The following SOS2 variants were observed in gnomAD, a reference collection of about 807,000 sequenced individuals.
SOS2 encodes SOS Ras/Rho guanine nucleotide exchange factor 2.
A neutral mutation model predicts 148.2 loss-of-function variants in SOS2; 65 were observed. The observed-to-expected ratio is 0.44, with a 90% confidence interval of 0.36 to 0.54. The LOEUF is 0.54. Among genes scored for constraint, SOS2 ranks in the 20% least tolerant of loss-of-function variants. The pLI, the probability that SOS2 is intolerant of heterozygous loss-of-function variation, is 0.00. For missense variants in SOS2, 1,341 were observed against 1,590.2 expected (o/e 0.84, Z 2.67); for synonymous variants, 539 against 537.1 (o/e 1.00, Z -0.05).
intron 8 of SOS2, among the ~76,000 whole-genome samples, chr14:50,163,285 A>G (rs1295316632): frequency 3.3e-5 from 5 of 151,976 alleles, no homozygotes; most frequent in Non-Finnish European, 7.4e-5. Flanking sequence ...GTGATCTTTA[A>G]CTTATTAGAG....
At position 50,161,357 on chromosome 14, in the gene SOS2, A is replaced by G. The variant is rs537559582; in HGVS notation, c.1196+125T>C. ...GTAAAAGACCAACATAAAAGTATAT[A>G]AAAGTATGACAAGCACAACTTTCAA... is the stretch of plus-strand genomic sequence containing the variant. On this transcript the variant is annotated intron_variant, in intron 9 of 22. Coordinates refer to ENST00000216373, the MANE Select transcript of SOS2 (RefSeq NM_006939.4). The G allele has an allele frequency of 3.0e-5, 23 of 773,506 alleles. 1 individual carries two copies. The South Asian group carries it at 3.0e-4, about 10-fold the overall frequency. The allele number at this position is 773,506 out of a possible 1,614,324, so 47.9% of individuals were successfully genotyped here. A position where few individuals can be genotyped will look rare whatever the true frequency, so the allele number is the denominator to read the frequency against.
chr14:50,150,335 A>C lies in SOS2; in HGVS notation c.2162-105T>G, dbSNP rs1884620767. On this transcript the variant is annotated intron_variant, in intron 13 of 22. Transcript: ENST00000216373. ...ACCCAGCCTCAACAGTTACCAACTCATGGCCAATTTTTATTTTCTCTAACC... is the reference window on the plus strand; with the variant it reads ...ACCCAGCCTCAACAGTTACCAACTCCTGGCCAATTTTTATTTTCTCTAACC... 7 of 762,944 alleles carry C rather than the reference A, an allele frequency of 9.2e-6. No individual in the cohort carries two copies. In the East Asian group the frequency reaches 1.7e-4, roughly 19 times the overall value. The allele number at this position is 762,944 out of a possible 1,614,324, so 47.3% of individuals were successfully genotyped here. A position where few individuals can be genotyped will look rare whatever the true frequency, so the allele number is the denominator to read the frequency against.
intron 5 of SOS2, among the ~76,000 whole-genome samples, chr14:50,183,431 T>C (rs182796444): frequency 1.0e-3 from 155 of 151,870 alleles, no homozygotes; most frequent in Middle Eastern, 3.5e-3. Flanking sequence ...TATATCTTCA[T>C]TGAATCTCAA....
intron 1 of SOS2, among the ~76,000 whole-genome samples, chr14:50,217,833 G>A (rs1887079007): frequency 6.6e-6 from 1 of 152,104 alleles, no homozygotes; most frequent in South Asian, 2.1e-4. Flanking sequence ...GCGGGCGCCT[G>A]TAGTCCCAGC....
At chr14:50,197,054 T>A (rs969103654) in intron 4 of SOS2, among the ~76,000 whole-genome samples, 7 of 152,072 alleles carry the variant, frequency 4.6e-5, no homozygotes, top group Non-Finnish European at 1.0e-4. Context: ...TGTAGAGACA[T>A]GTTGCCCAGG....
chr14:50,145,596 C>T lies in SOS2; in HGVS notation c.2385G>A (p.Arg795=). ...QLTLLESDLY[R]KVQPSELVGS... ...CTACAAGTTCAGACGGTTGAACTTT[C>T]CTATGGAATTGAAAATCAGTGCAAC... is the stretch of plus-strand genomic sequence containing the variant. The change falls in exon 15 of 23, where the codon AGG becomes AGA. Residue 795 remains arginine (R), a splice_region_variant and synonymous_variant. Transcript: ENST00000216373. The T allele has an allele frequency of 1.3e-6, 2 of 1,577,508 alleles. No homozygotes were observed. The highest frequency in any genetic ancestry group is 1.7e-6 in the Non-Finnish European group (2 of 1,163,962).
At position 50,161,256 on chromosome 14, in the gene SOS2, C is replaced by T. The variant is rs191371776; in HGVS notation, c.1196+226G>A. 1.6e-3 allele frequency among the ~76,000 whole-genome samples: 232 copies of T among 148,308 alleles called. 2 individuals are homozygous for T. Among genetic ancestry groups the T allele is most frequent in the Middle Eastern group, 0.014 (4 of 290 alleles). Reference sequence around the variant, plus strand: ...TGCAGGTTGCAGTGAGCTGAGATTACACCACTGCACTCCAGCCTGGGCAAG... The same window carrying T: ...TGCAGGTTGCAGTGAGCTGAGATTATACCACTGCACTCCAGCCTGGGCAAG... On this transcript the variant is annotated intron_variant, in intron 9 of 22. Coordinates refer to ENST00000216373, the MANE Select transcript of SOS2 (RefSeq NM_006939.4).
In SOS2 at chr14:50,157,087, C is replaced by A; in HGVS notation, c.1969G>T (p.Asp657Tyr). 6.2e-7 allele frequency: 1 copy of A among 1,612,454 alleles called. No individual in the cohort carries two copies. Among genetic ancestry groups the A allele is most frequent in the Non-Finnish European group, 8.5e-7 (1 of 1,179,006 alleles). Residue 657 changes from aspartate (D) to tyrosine (Y), a missense_variant, in exon 12 of 23, where the codon GAC (aspartate) becomes TAC (tyrosine). Asp to Tyr is a radical substitution (Grantham distance 160). Coordinates refer to ENST00000216373, the MANE Select transcript of SOS2 (RefSeq NM_006939.4). Reference sequence around the variant, plus strand: ...TCGCCTTTCTCTATTGCCAATTTGTCTGCGTCAGTAGGTTCTGGCTCTGGA... The same window carrying A: ...TCGCCTTTCTCTATTGCCAATTTGTATGCGTCAGTAGGTTCTGGCTCTGGA... ...EIPEPEPTDA[D>Y]KLAIEKGEQP...
intron 7 of SOS2, among the ~76,000 whole-genome samples, 173 bp from the exon 8 acceptor site, chr14:50,174,725 T>C (rs1039522336): frequency 6.6e-5 from 10 of 152,246 alleles, no homozygotes; most frequent in Non-Finnish European, 1.3e-4. Context: ...TTTTCTCCCT[T>C]TCCTCCTTTA....
intron 14 of SOS2, among the ~76,000 whole-genome samples, chr14:50,146,329 T>TTTG (rs1884470649): frequency 6.6e-6 from 1 of 151,814 alleles, no homozygotes; most frequent in Non-Finnish European, 1.5e-5. Flanking sequence ...AGTATGCATA[T>TTTG]ACCCTAGATA....
chr14:50,193,651 G>T (rs573406984), intron 4 of SOS2, among the ~76,000 whole-genome samples: 2 of 152,080 alleles, frequency 1.3e-5, no homozygotes, highest in East Asian at 3.9e-4. Context: ...TCTTGAACTA[G>T]TGATCTCTAG....
Position 50,199,898 on chromosome 14 carries a change from T to C in SOS2, c.346-43A>G, listed in dbSNP as rs746071784. On this transcript the variant is annotated intron_variant, in intron 3 of 22. Transcript: ENST00000216373. ...AATTTAATTGCAAAATGTAGCACTG[T>C]CAAGTATTACACACTTAAAAAATTC... 38 of 1,272,074 alleles carry C rather than the reference T, an allele frequency of 3.0e-5. No homozygotes were observed. The Admixed American group carries it at 8.2e-4, about 27-fold the overall frequency. 78.8% of individuals were successfully genotyped at this position (1,272,074 alleles called of 1,614,324 possible).
intron 13 of SOS2, among the ~76,000 whole-genome samples, 178 bp downstream of exon 13, chr14:50,152,892 G>C (rs1221933228): frequency 1.3e-5 from 2 of 152,108 alleles, no homozygotes; most frequent in African/African-American, 4.8e-5. Context: ...TTGAACCTGG[G>C]AGGCGGAGGT....
At chr14:50,228,462 T>C (rs1314245676) in intron 1 of SOS2, among the ~76,000 whole-genome samples, 1 of 152,228 alleles carries the variant, frequency 6.6e-6, no homozygotes, top group Non-Finnish European at 1.5e-5. Context: ...CCTTATTAAA[T>C]TGCCTATAAA....
chr14:50,160,777 A>G (rs996301909), intron 9 of SOS2, among the ~76,000 whole-genome samples: 1 of 152,152 alleles, frequency 6.6e-6, no homozygotes, highest in African/African-American at 2.4e-5. Flanking sequence ...AAGCAGGCAG[A>G]TCACCTGAGC....
At chr14:50,197,847 C>T (rs1481184512) in intron 4 of SOS2, among the ~76,000 whole-genome samples, 6 of 151,946 alleles carry the variant, frequency 3.9e-5, no homozygotes, top group Non-Finnish European at 1.5e-5. Context: ...TGCCACCATG[C>T]CCAGCTACTT....
intron 14 of SOS2, among the ~76,000 whole-genome samples, chr14:50,149,465 T>C (rs1884594711): frequency 6.6e-6 from 1 of 151,404 alleles, no homozygotes; most frequent in South Asian, 2.1e-4. Context: ...CTCATGGAAG[T>C]AGAGAGTAGA....
In SOS2 at chr14:50,177,453, G is replaced by A. The variant is rs146567482; in HGVS notation, c.970-2901C>T. Among the ~76,000 whole-genome samples, 24 of 151,684 alleles carry A rather than the reference G, an allele frequency of 1.6e-4. No homozygotes were observed. The East Asian group carries it at 3.3e-3, about 21-fold the overall frequency. ...AAGTTAAAACAATTGAGTTTGGCCC[G>A]AAAAAGGATTTCATCTAACTCTTCC... On this transcript the variant is annotated intron_variant, in intron 7 of 22. Coordinates refer to ENST00000216373, the MANE Select transcript of SOS2 (RefSeq NM_006939.4).
rs1442220946 is a variant in SOS2, at chr14:50,222,184, A to C, written c.87+9013T>G. ...TGCAACTGTTTTACCTTAAAACATCAGTATTTATAACACATATGAAATTAC... is the reference window on the plus strand; with the variant it reads ...TGCAACTGTTTTACCTTAAAACATCCGTATTTATAACACATATGAAATTAC... On this transcript the variant is annotated intron_variant, in intron 1 of 22. Coordinates refer to ENST00000216373, the MANE Select transcript of SOS2 (RefSeq NM_006939.4). 2.0e-5 allele frequency among the ~76,000 whole-genome samples: 3 copies of C among 152,236 alleles called. No individual in the cohort carries two copies. In the East Asian group the frequency reaches 5.8e-4, roughly 29 times the overall value.
Sources: allele counts gnomAD v4.1 joint callset (sites outside exome capture counted in the v4.1 genomes callset), GRCh38; gene constraint gnomAD v4.1.1; transcripts MANE v1.5; gene names NCBI Gene and HGNC (gene_info 2026-07-23, HGNC 2026-07-21).